The following TASP1 variants were observed in gnomAD, a reference collection of about 807,000 sequenced individuals.
TASP1 encodes threonine aspartase 1.
A neutral mutation model predicts 56.6 loss-of-function variants in TASP1; 16 were observed. The observed-to-expected ratio is 0.28, with a 90% CI of 0.19 to 0.43. The LOEUF (loss-of-function observed/expected upper bound fraction) is 0.43. Among genes scored for constraint, TASP1 ranks in the 20% least tolerant of loss-of-function variants. The probability of loss-of-function intolerance (pLI) is 1.00; values close to 1 mark genes in which losing one functional copy is unlikely to be tolerated. For synonymous variants in TASP1, 179 were observed against 184.2 expected (o/e 0.97, Z 0.23); for missense variants, 393 against 511.6 (o/e 0.77, Z 2.24).
At chr20:13,412,796 ATTTG>A (rs2042133551) in intron 13 of TASP1, among the ~76,000 whole-genome samples, 1 of 152,220 alleles carries the variant, frequency 6.6e-6, no homozygotes, top group Non-Finnish European at 1.5e-5. Context: ...GTGGCAACAT[ATTTG>A]TTTATGTAAT....
At chr20:13,513,052 T>C (rs2044395758) in intron 10 of TASP1, among the ~76,000 whole-genome samples, 1 of 152,204 alleles carries the variant, frequency 6.6e-6, no homozygotes, top group Non-Finnish European at 1.5e-5. Context: ...TCCAGCTTTG[T>C]TCTTTTGGCT....
At chr20:13,287,093 G>C in the TASP1 span, among the ~76,000 whole-genome samples, 1 of 151,708 alleles carries the variant, frequency 6.6e-6, no homozygotes, top group African/African-American at 2.4e-5. Flanking sequence ...CTTTACTTTT[G>C]ATAAGAGGAA....
At chr20:13,229,216 T>A in the TASP1 span, among the ~76,000 whole-genome samples, 5 of 152,156 alleles carry the variant, frequency 3.3e-5, no homozygotes, top group Non-Finnish European at 7.4e-5. Context: ...GGATGAATCT[T>A]AAGGGTTCAG....
chr20:13,272,195 G>C, the TASP1 span, among the ~76,000 whole-genome samples: 9 of 152,106 alleles, frequency 5.9e-5, no homozygotes, highest in Non-Finnish European at 1.0e-4. Flanking sequence ...TCCTGAACTT[G>C]GACTCAGACC....
At chr20:13,626,089 C>T (rs993738705) in intron 2 of TASP1, among the ~76,000 whole-genome samples, 1 of 152,192 alleles carries the variant, frequency 6.6e-6, no homozygotes, top group Admixed American at 6.5e-5. Flanking sequence ...TCCCTACCCA[C>T]CCCTAAAGCC....
At chr20:13,280,127 C>T in the TASP1 span, among the ~76,000 whole-genome samples, 42 of 152,218 alleles carry the variant, frequency 2.8e-4, no homozygotes, top group African/African-American at 5.5e-4. Context: ...ACCAATTATC[C>T]GAAGAGATAA....
the TASP1 span, among the ~76,000 whole-genome samples, chr20:13,119,237 A>C: frequency 1.3e-5 from 2 of 152,238 alleles, no homozygotes; most frequent in Non-Finnish European, 2.9e-5. Context: ...TTCCTGAACC[A>C]AAGGCACCTG....
chr20:13,579,555 GGGTTTCACCGT>G (rs965035449), intron 6 of TASP1, among the ~76,000 whole-genome samples: 1 of 152,000 alleles, frequency 6.6e-6, no homozygotes, highest in African/African-American at 2.4e-5. Context: ...AGTAGAGACG[GGGTTTCACCGT>G]GGTCTCGATC....
intron 8 of TASP1, among the ~76,000 whole-genome samples, chr20:13,556,540 A>AATAAAATTC (rs2046164005): frequency 6.6e-6 from 1 of 152,110 alleles, no homozygotes; most frequent in Non-Finnish European, 1.5e-5. Context: ...GAATAAAATT[A>AATAAAATTC]TTGAATAAAA....
the TASP1 span, among the ~76,000 whole-genome samples, chr20:13,380,291 T>C: frequency 6.6e-6 from 1 of 152,234 alleles, no homozygotes; most frequent in Non-Finnish European, 1.5e-5. Context: ...GTTAATGCTA[T>C]TCCTTTTTGT....
chr20:13,367,544 G>A, the TASP1 span, among the ~76,000 whole-genome samples: 1 of 152,148 alleles, frequency 6.6e-6, no homozygotes, highest in Non-Finnish European at 1.5e-5. Flanking sequence ...ATGACTTTAA[G>A]GAATTTAGGA....
intron 8 of TASP1, among the ~76,000 whole-genome samples, chr20:13,553,340 G>T (rs757576885): frequency 2.6e-5 from 4 of 152,088 alleles, no homozygotes; most frequent in Non-Finnish European, 5.9e-5. Flanking sequence ...AGCTTGCATG[G>T]TCACTTTATG....
chr20:13,552,777 A>G (rs2046022142), intron 8 of TASP1, among the ~76,000 whole-genome samples: 1 of 152,226 alleles, frequency 6.6e-6, no homozygotes, highest in African/African-American at 2.4e-5. Context: ...TACTGTTCAA[A>G]TTATAAATTT....
chr20:13,148,297 T>C, the TASP1 span, among the ~76,000 whole-genome samples: 2 of 152,186 alleles, frequency 1.3e-5, no homozygotes, highest in Non-Finnish European at 2.9e-5. Context: ...GTTAAAGTAT[T>C]TGTGGCCTCC....
chr20:13,365,685 G>A, the TASP1 span, among the ~76,000 whole-genome samples: 2 of 152,156 alleles, frequency 1.3e-5, no homozygotes, highest in African/African-American at 4.8e-5. Context: ...GGGAGAGGTG[G>A]GTTTGAAGAG....
the TASP1 span, among the ~76,000 whole-genome samples, chr20:13,233,321 C>T: frequency 6.6e-6 from 1 of 152,006 alleles, no homozygotes; most frequent in Non-Finnish European, 1.5e-5. Flanking sequence ...TCCTGCCGGG[C>T]GCGGTGGCTC....
intron 10 of TASP1, among the ~76,000 whole-genome samples, chr20:13,501,382 T>A (rs1439024134): frequency 6.6e-6 from 1 of 151,996 alleles, no homozygotes; most frequent in African/African-American, 2.4e-5. Context: ...ACTGAATATC[T>A]AACACAATAA....
the TASP1 span, among the ~76,000 whole-genome samples, chr20:13,216,609 C>T: frequency 2.1e-4 from 32 of 152,252 alleles, no homozygotes; most frequent in African/African-American, 7.2e-4. Context: ...GTTTGCCATC[C>T]CTCCAGCCTC....
chr20:13,238,003 A>G, the TASP1 span: 5 of 152,166 alleles, frequency 3.3e-5, no homozygotes, highest in Non-Finnish European at 7.3e-5. Context: ...TTACTGCTTG[A>G]CTTCATTCCC....
Sources: allele counts gnomAD v4.1 joint callset (sites outside exome capture counted in the v4.1 genomes callset), GRCh38; gene constraint gnomAD v4.1.1; transcripts MANE v1.5; gene names NCBI Gene and HGNC (gene_info 2026-07-23, HGNC 2026-07-21).